CYP2C19: variants seen among roughly 807,000 people sequenced by gnomAD.
CYP2C19 encodes the protein cytochrome P450 2C19.
In CYP2C19, 59 loss-of-function variants were observed where a neutral mutation model predicts 40.9. The observed-to-expected ratio is 1.44, with a 90% CI of 1.17 to 1.79. The LOEUF is 1.79. Ranked by LOEUF, CYP2C19 falls within the 40% of genes most tolerant of loss-of-function variation. The pLI, the probability that CYP2C19 is intolerant of heterozygous loss-of-function variation, is 0.00. For synonymous variants in CYP2C19, 253 were observed against 208.7 expected (o/e 1.21, Z -1.83); for missense variants, 754 against 596.9 (o/e 1.26, Z -2.74).
In CYP2C19 at chr10:94,842,966, C is replaced by T; in HGVS notation, c.1091C>T (p.Thr364Ile). 1 of 1,614,220 alleles carries T rather than the reference C, an allele frequency of 6.2e-7. No individual in the cohort carries two copies. The highest frequency in any genetic ancestry group is 8.5e-7 in the Non-Finnish European group (1 of 1,180,044). ...EVQRYIDLIP[T>I]SLPHAVTCDV... ...CAGAGATACATCGACCTCATCCCCACCAGCCTGCCCCATGCAGTGACCTGT... is the reference window on the plus strand; with the variant it reads ...CAGAGATACATCGACCTCATCCCCATCAGCCTGCCCCATGCAGTGACCTGT... The change falls in exon 7 of 9, where the codon ACC becomes ATC. Residue 364 changes from threonine to isoleucine, a missense_variant. Transcript: ENST00000371321.
intron 5 of CYP2C19, among the ~76,000 whole-genome samples, chr10:94,816,230 A>G (rs910732354): frequency 1.3e-5 from 2 of 150,354 alleles, no homozygotes; most frequent in African/African-American, 4.9e-5. Context: ...TACACCATAC[A>G]GTATTTTTTC....
chr10:94,828,715 G>T (rs1290319787), intron 6 of CYP2C19, among the ~76,000 whole-genome samples: 2 of 151,618 alleles, frequency 1.3e-5, no homozygotes, highest in Non-Finnish European at 2.9e-5. Flanking sequence ...TATGATGTTA[G>T]CTGGTTATTT....
chr10:94,835,999 C>G (rs553985522), intron 6 of CYP2C19, among the ~76,000 whole-genome samples: 1 of 152,166 alleles, frequency 6.6e-6, no homozygotes, highest in Non-Finnish European at 1.5e-5. Flanking sequence ...AAGTTCCCCT[C>G]GAGTGGTGTA....
chr10:94,835,991 G>T (rs1414837833), intron 6 of CYP2C19, among the ~76,000 whole-genome samples: 1 of 152,162 alleles, frequency 6.6e-6, no homozygotes, highest in Admixed American at 6.5e-5. Flanking sequence ...ACCTCTAAAA[G>T]TTCCCCTCGA....
chr10:94,840,079 G>T (rs1849468699), intron 6 of CYP2C19, among the ~76,000 whole-genome samples: 1 of 152,094 alleles, frequency 6.6e-6, no homozygotes, highest in South Asian at 2.1e-4. Flanking sequence ...TTTTAGTTAA[G>T]TAGTTGTTTC....
intron 1 of CYP2C19, among the ~76,000 whole-genome samples, chr10:94,770,702 C>T (rs1412228754): frequency 2.0e-5 from 3 of 152,060 alleles, no homozygotes; most frequent in African/African-American, 2.4e-5. Context: ...TGTAGCCACT[C>T]GAGGAAAGCA....
chr10:94,773,705 C>A (rs1431597853), intron 1 of CYP2C19: 1 of 152,344 alleles, frequency 6.6e-6, no homozygotes, highest in African/African-American at 2.4e-5. Context: ...TGTGGTCTTG[C>A]TGGCTTTGGG....
rs190405106 is a variant in CYP2C19, at chr10:94,836,643, T to C, written c.962-6194T>C. Among the ~76,000 whole-genome samples the C allele has an allele frequency of 6.6e-5, 10 of 152,316 alleles. No individual in the cohort carries two copies. In the East Asian group the frequency reaches 1.9e-3, roughly 29 times the overall value. On this transcript the variant is annotated intron_variant, in intron 6 of 8. Coordinates refer to ENST00000371321, the MANE Select transcript of CYP2C19 (RefSeq NM_000769.4). ...AGGAACCCTCTTAGTTGCTTTATGG[T>C]TTTGGGATGAGGATAAGCCAGAATA...
chr10:94,832,380 T>G (rs181811863), intron 6 of CYP2C19, among the ~76,000 whole-genome samples: 1 of 152,278 alleles, frequency 6.6e-6, no homozygotes, highest in African/African-American at 2.4e-5. Context: ...GAAGTCCCAT[T>G]TATAAAACCA....
intron 6 of CYP2C19, 22 bp from the exon 7 acceptor site, chr10:94,842,815 G>T: frequency 6.2e-7 from 1 of 1,613,450 alleles, no homozygotes; most frequent in Non-Finnish European, 8.5e-7. Context: ...TTTTCCATCA[G>T]TTCTTACTTG....
intron 6 of CYP2C19, among the ~76,000 whole-genome samples, chr10:94,832,270 C>CA (rs1160086612): frequency 6.6e-6 from 1 of 152,182 alleles, no homozygotes; most frequent in Non-Finnish European, 1.5e-5. Flanking sequence ...TTAATGGACT[C>CA]ACAGTTCCAC....
intron 8 of CYP2C19, among the ~76,000 whole-genome samples, chr10:94,850,824 A>G (rs1233886412): frequency 6.6e-6 from 1 of 152,116 alleles, no homozygotes; most frequent in African/African-American, 2.4e-5. Context: ...TCAGGGGGAC[A>G]TTAAGAATGT....
At position 94,848,407 on chromosome 10, in the gene CYP2C19, T is replaced by C. The variant is rs559850912; in HGVS notation, c.1150-1510T>C. ...CATTGTAGATGTGTGGTATTATTTC[T>C]GTTGGCTCTGTTCTGTTCCATTGGT... On this transcript the variant is annotated intron_variant, in intron 7 of 8. Transcript: ENST00000371321. Among the ~76,000 whole-genome samples the C allele has an allele frequency of 2.6e-5, 4 of 152,330 alleles. No individual in the cohort carries two copies. The South Asian group carries it at 8.3e-4, about 32-fold the overall frequency.
chr10:94,833,687 T>A (rs1313354627), intron 6 of CYP2C19, among the ~76,000 whole-genome samples: 1 of 152,222 alleles, frequency 6.6e-6, no homozygotes, highest in African/African-American at 2.4e-5. Flanking sequence ...TCTCAAGTGT[T>A]TTTAATGAAT....
intron 5 of CYP2C19, among the ~76,000 whole-genome samples, chr10:94,814,174 A>T (rs1391212257): frequency 6.7e-6 from 1 of 150,262 alleles, no homozygotes. Context: ...TGCAGAAATC[A>T]CCTACCTTCT....
chr10:94,848,310 C>T (rs886986193), intron 7 of CYP2C19, among the ~76,000 whole-genome samples: 1 of 152,162 alleles, frequency 6.6e-6, no homozygotes, highest in Non-Finnish European at 1.5e-5. Flanking sequence ...AGTCAGTTTT[C>T]CCAGCACCAT....
intron 5 of CYP2C19, among the ~76,000 whole-genome samples, chr10:94,820,031 G>A (rs1301275309): frequency 6.7e-6 from 1 of 148,498 alleles, no homozygotes; most frequent in Non-Finnish European, 1.5e-5. Context: ...ACATCAAAAA[G>A]CTTATCCACC....
chr10:94,779,371 A>G (rs977488110), intron 3 of CYP2C19, among the ~76,000 whole-genome samples: 1 of 152,136 alleles, frequency 6.6e-6, no homozygotes, highest in African/African-American at 2.4e-5. Flanking sequence ...AACCTTTTGT[A>G]TAATTTAATT....
chr10:94,832,203 T>A (rs1425467568), intron 6 of CYP2C19, among the ~76,000 whole-genome samples: 1 of 152,188 alleles, frequency 6.6e-6, no homozygotes, highest in Non-Finnish European at 1.5e-5. Flanking sequence ...GTTAGTCTGT[T>A]CTTATGCTTC....
Sources: gnomAD v4.1 joint callset for allele counts (sites outside exome capture counted in the v4.1 genomes callset) on GRCh38, gnomAD v4.1.1 for gene constraint, MANE v1.5 for transcripts, NCBI Gene and HGNC (gene_info 2026-07-23, HGNC 2026-07-21) for gene names.